The following NLRP9 variants were observed in gnomAD, a reference collection of about 807,000 sequenced individuals.
The protein encoded by NLRP9 is NLR family pyrin domain containing 9.
Under a neutral mutation model 83.1 loss-of-function variants are expected in NLRP9, and 88 were observed. The observed-to-expected ratio is 1.06, with a 90% CI of 0.89 to 1.26. The LOEUF (loss-of-function observed/expected upper bound fraction) is 1.26. Ranked by LOEUF, NLRP9 falls within the 50% of genes most tolerant of loss-of-function variation. The pLI is 0.00. For missense variants in NLRP9, 1,308 were observed against 1,179.3 expected (o/e 1.11, Z -1.60); for synonymous variants, 521 against 447.6 (o/e 1.16, Z -2.07).
At chr19:55,728,378 C>A (rs542510639) in intron 3 of NLRP9, among the ~76,000 whole-genome samples, 7 of 152,074 alleles carry the variant, frequency 4.6e-5, no homozygotes, top group Non-Finnish European at 1.0e-4. Flanking sequence ...AGTTTGAGAC[C>A]AGCCTGGCCA....
At chr19:55,722,126 G>A (rs1243894134) in intron 4 of NLRP9, among the ~76,000 whole-genome samples, 1 of 152,036 alleles carries the variant, frequency 6.6e-6, no homozygotes, top group African/African-American at 2.4e-5. Flanking sequence ...CTGAGCTAGA[G>A]AGAACCTGAC....
chr19:55,733,330 C>T lies in NLRP9; in HGVS notation c.501G>A (p.Leu167=), dbSNP rs749429933. The T allele has an allele frequency of 1.2e-6, 2 of 1,614,036 alleles. No homozygotes were observed. Among genetic ancestry groups the T allele is most frequent in the Non-Finnish European group, 1.7e-6 (2 of 1,179,894 alleles). ...TCCATAAGTTTCCCTCTGCCCAGTCCAACATCACTTTTCTTAAAAGGGTTG... is the reference window on the plus strand; with the variant it reads ...TCCATAAGTTTCCCTCTGCCCAGTCTAACATCACTTTTCTTAAAAGGGTTG... ...GKTTLLRKVM[L]DWAEGNLWKD... is the part of the protein sequence containing the mutation. The change falls in exon 2 of 9, where the codon TTG becomes TTA. Residue 167 remains leucine, a synonymous_variant. Coordinates refer to ENST00000332836, the MANE Select transcript of NLRP9 (RefSeq NM_176820.4).
chr19:55,711,084 T>TAAA (rs1987693621), intron 8 of NLRP9, among the ~76,000 whole-genome samples: 1 of 116,002 alleles, frequency 8.6e-6, no homozygotes, highest in African/African-American at 4.1e-5. Context: ...AGACTCTGCC[T>TAAA]CAAAAAAACA....
intron 1 of NLRP9, among the ~76,000 whole-genome samples, 157 bp from the exon 2 acceptor site, chr19:55,733,707 A>G (rs978189642): frequency 6.6e-6 from 1 of 152,112 alleles, no homozygotes; most frequent in Non-Finnish European, 1.5e-5. Flanking sequence ...TCACGCCATG[A>G]TGGGAAGTGG....
At chr19:55,721,963 T>C (rs1040204791) in intron 4 of NLRP9, among the ~76,000 whole-genome samples, 3 of 152,180 alleles carry the variant, frequency 2.0e-5, no homozygotes, top group Non-Finnish European at 4.4e-5. Flanking sequence ...TGCCCAGTGT[T>C]GGGTATGTCT....
rs776128830 is a variant in NLRP9, at chr19:55,729,949, A to G, written c.1876T>C (p.Phe626Leu). 6.2e-7 allele frequency: 1 copy of G among 1,613,646 alleles called. No homozygotes were observed. Among genetic ancestry groups the G allele is most frequent in the Non-Finnish European group, 8.5e-7 (1 of 1,179,706 alleles). The change falls in exon 3 of 9, where the codon TTC (phenylalanine) becomes CTC (leucine). Residue 626 changes from phenylalanine to leucine, a missense_variant. Coordinates refer to ENST00000332836, the MANE Select transcript of NLRP9 (RefSeq NM_176820.4). ...ATCTGGAAGTTCTTGTTGGTAATGA[A>G]CATTGAGCAAAGCTCCCGCCAGTAG... is the stretch of plus-strand genomic sequence containing the variant. The part of the protein sequence containing the change: ...LVYWRELCSM[F>L]ITNKNFQILD...
intron 6 of NLRP9, 102 bp downstream of exon 6, chr19:55,714,953 A>G (rs1489491469): frequency 8.9e-7 from 1 of 1,128,836 alleles, no homozygotes; most frequent in Non-Finnish European, 1.3e-6. Flanking sequence ...GGGAGGACAT[A>G]TACATTCAGA....
In NLRP9 at chr19:55,733,568, G is replaced by C; in HGVS notation, c.281-18C>G. On this transcript the variant is annotated intron_variant, in intron 1 of 8. Coordinates refer to ENST00000332836, the MANE Select transcript of NLRP9 (RefSeq NM_176820.4). Reference sequence around the variant, plus strand: ...TAGCTTATCTGTGTTAATGAGAACAGGATATAAGATAGGTAAAAATGCACT... The same window carrying C: ...TAGCTTATCTGTGTTAATGAGAACACGATATAAGATAGGTAAAAATGCACT... 7.3e-7 allele frequency: 1 copy of C among 1,373,628 alleles called. No homozygotes were observed. Among genetic ancestry groups the C allele is most frequent in the Non-Finnish European group, 1.0e-6 (1 of 997,058 alleles). The allele number at this position is 1,373,628 out of a possible 1,614,324, so 85.1% of individuals were successfully genotyped here. A position where few individuals can be genotyped will look rare whatever the true frequency, so the allele number is the denominator to read the frequency against.
rs766821527 is a variant in NLRP9, at chr19:55,724,063, C to T, written c.2076G>A (p.Leu692=). Residue 692 remains leucine, a synonymous_variant, in exon 4 of 9, where the codon CTG becomes CTA. Transcript: ENST00000332836. The part of the protein sequence containing the change: ...LHNPHLKLLS[L]YGTSLSQSDI... ...CAGACTGGGAGAGGCTAGTGCCGTACAGGCTCAGAAGTTTCAGATGAGGGT... is the reference window on the plus strand; with the variant it reads ...CAGACTGGGAGAGGCTAGTGCCGTATAGGCTCAGAAGTTTCAGATGAGGGT... The T allele has an allele frequency of 1.2e-6, 2 of 1,613,692 alleles. No homozygotes were observed. The highest frequency in any genetic ancestry group is 2.2e-5 in the South Asian group (2 of 91,076).
At chr19:55,711,544 A>G (rs1476306210) in intron 8 of NLRP9, 1 of 1,165,648 alleles carries the variant, frequency 8.6e-7, no homozygotes, top group East Asian at 3.3e-5. Flanking sequence ...ACTTCTGACA[A>G]TTTCTGGAGC....
chr19:55,722,058 G>A (rs1988243598), intron 4 of NLRP9, among the ~76,000 whole-genome samples: 1 of 151,600 alleles, frequency 6.6e-6, no homozygotes, highest in Admixed American at 6.6e-5. Flanking sequence ...TGTGATCATT[G>A]AAAATGTCTC....
intron 1 of NLRP9, among the ~76,000 whole-genome samples, chr19:55,736,749 G>A (rs1174448834): frequency 1.3e-5 from 2 of 151,672 alleles, no homozygotes; most frequent in Admixed American, 6.6e-5. Context: ...AAGGAGAATC[G>A]CTTGAACCTG....
intron 6 of NLRP9, among the ~76,000 whole-genome samples, chr19:55,714,642 A>G (rs117606060): frequency 0.017 from 2,537 of 152,108 alleles, 29 homozygotes; most frequent in South Asian, 0.027. Context: ...TTGGGCTGGT[A>G]TAACAAAATG....
intron 5 of NLRP9, 137 bp downstream of exon 5, chr19:55,716,591 G>T: frequency 4.4e-6 from 3 of 687,272 alleles, no homozygotes; most frequent in Non-Finnish European, 7.6e-6. Context: ...ACTGAGGCGT[G>T]GGAAAGGAAC....
intron 1 of NLRP9, among the ~76,000 whole-genome samples, 185 bp downstream of exon 1, chr19:55,737,908 ATC>A: frequency 6.6e-6 from 1 of 152,196 alleles, no homozygotes; most frequent in East Asian, 1.9e-4. Context: ...TCAGGACGCC[ATC>A]TGTCCCCAGT....
intron 4 of NLRP9, among the ~76,000 whole-genome samples, chr19:55,717,193 C>T (rs113146174): frequency 1.5e-4 from 23 of 152,106 alleles, no homozygotes; most frequent in African/African-American, 5.1e-4. Context: ...GCCATCACGC[C>T]CAGTTCATTT....
intron 5 of NLRP9, 37 bp from the exon 6 acceptor site, chr19:55,715,262 A>G: frequency 6.4e-7 from 1 of 1,573,804 alleles, no homozygotes; most frequent in East Asian, 2.2e-5. Flanking sequence ...CCTGCTGAAC[A>G]GCAGTACATC....
intron 4 of NLRP9, 29 bp from the exon 5 acceptor site, chr19:55,716,927 G>C: frequency 6.3e-7 from 1 of 1,596,958 alleles, no homozygotes; most frequent in Non-Finnish European, 8.6e-7. Context: ...CCATGAGACG[G>C]ACCAAAGCTT....
chr19:55,723,832 C>A (rs1988311821), intron 4 of NLRP9, 148 bp downstream of exon 4: 1 of 583,178 alleles, frequency 1.7e-6, no homozygotes, highest in South Asian at 2.7e-5. Context: ...AATCTACCTT[C>A]ACCTTATGAG....
Sources: gnomAD v4.1 joint callset for allele counts (sites outside exome capture counted in the v4.1 genomes callset) on GRCh38, gnomAD v4.1.1 for gene constraint, MANE v1.5 for transcripts, NCBI Gene and HGNC (gene_info 2026-07-23, HGNC 2026-07-21) for gene names.